CPXM2: variants seen among roughly 807,000 people sequenced by gnomAD.
The protein encoded by CPXM2 is inactive carboxypeptidase-like protein X2.
A neutral mutation model predicts 86.1 loss-of-function variants in CPXM2; 66 were observed. The observed-to-expected ratio is 0.77, with a 90% CI of 0.63 to 0.94. CPXM2 has a LOEUF of 0.94. Among genes scored for constraint, CPXM2 ranks in the 40% least tolerant of loss-of-function variants. CPXM2 has a pLI of 0.00. For synonymous variants in CPXM2, 388 were observed against 400.2 expected, an observed-to-expected ratio of 0.97 and a Z score of 0.36; for missense variants, 948 against 1,026.3, an observed-to-expected ratio of 0.92 and a Z score of 1.04.
intron 4 of CPXM2, among the ~76,000 whole-genome samples, 185 bp downstream of exon 4, chr10:123,842,164 C>T (rs1042393646): frequency 2.6e-5 from 4 of 152,232 alleles, no homozygotes; most frequent in Non-Finnish European, 4.4e-5. Flanking sequence ...CGTTCTGAAA[C>T]GCACCATCCC....
intron 10 of CPXM2, among the ~76,000 whole-genome samples, chr10:123,765,730 A>G (rs1460518662): frequency 1.3e-5 from 2 of 152,186 alleles, no homozygotes; most frequent in African/African-American, 4.8e-5. Context: ...GTCTGTCTTC[A>G]TCACCCTACT....
chr10:123,936,927 C>T (rs775698742), intron 2 of CPXM2, among the ~76,000 whole-genome samples: 2 of 152,116 alleles, frequency 1.3e-5, no homozygotes, highest in Non-Finnish European at 2.9e-5. Context: ...AGGGGGAACC[C>T]AGCATTCAAG....
At chr10:123,926,778 A>C (rs1226370231) in intron 2 of CPXM2, among the ~76,000 whole-genome samples, 1 of 152,248 alleles carries the variant, frequency 6.6e-6, no homozygotes, top group African/African-American at 2.4e-5. Context: ...ACACAGCAGA[A>C]AGACAGGAAG....
intron 9 of CPXM2, among the ~76,000 whole-genome samples, chr10:123,767,387 C>T (rs1257398361): frequency 6.6e-6 from 1 of 152,208 alleles, no homozygotes; most frequent in African/African-American, 2.4e-5. Flanking sequence ...AGAACCACCC[C>T]TGCCACATGG....
intron 2 of CPXM2, among the ~76,000 whole-genome samples, chr10:123,872,100 T>C (rs1944904226): frequency 6.6e-6 from 1 of 152,178 alleles, no homozygotes; most frequent in Non-Finnish European, 1.5e-5. Flanking sequence ...TCACTGCTGG[T>C]AGAAGTGTTA....
chr10:123,790,683 C>T (rs915688098), intron 6 of CPXM2, among the ~76,000 whole-genome samples: 11 of 152,102 alleles, frequency 7.2e-5, no homozygotes, highest in East Asian at 3.9e-4. Context: ...GGAATAAAGG[C>T]GTCTCACAGG....
chr10:123,768,723 CT>C lies in CPXM2; in HGVS notation c.1103-2del. On this transcript the variant is annotated splice_acceptor_variant, in intron 8 of 13. Coordinates refer to ENST00000241305, the MANE Select transcript of CPXM2 (RefSeq NM_198148.3). LOFTEE classifies it high-confidence loss of function. ...GCGATGTAGTGGAACTCGGGCTCAC[CT>C]TTACTCAAAGACAGAGAGAAGCACA... The C allele has an allele frequency of 6.2e-7, 1 of 1,607,048 alleles. No homozygotes were observed.
At chr10:123,904,037 C>G (rs1196184808) in intron 2 of CPXM2, among the ~76,000 whole-genome samples, 1 of 152,124 alleles carries the variant, frequency 6.6e-6, no homozygotes, top group Non-Finnish European at 1.5e-5. Flanking sequence ...CATAGATGAG[C>G]CTTAGAAAGT....
intron 4 of CPXM2, among the ~76,000 whole-genome samples, chr10:123,800,227 T>C (rs1355825438): frequency 6.6e-6 from 1 of 151,616 alleles, no homozygotes; most frequent in East Asian, 1.9e-4. Context: ...GACTGACTTG[T>C]CATGAAAATG....
chr10:123,835,198 C>G (rs78912370), intron 4 of CPXM2, among the ~76,000 whole-genome samples: 3,966 of 152,204 alleles, frequency 0.026, 169 homozygotes, highest in African/African-American at 0.09. Context: ...AAAAAACAGG[C>G]GGGAAGCAAA....
At chr10:123,781,765 C>T (rs988624092) in intron 6 of CPXM2, among the ~76,000 whole-genome samples, 1 of 152,200 alleles carries the variant, frequency 6.6e-6, no homozygotes, top group Non-Finnish European at 1.5e-5. Context: ...CACATTGCAA[C>T]AGGATCCCAG....
At chr10:123,802,462 C>T (rs527316605) in intron 4 of CPXM2, among the ~76,000 whole-genome samples, 32 of 152,284 alleles carry the variant, frequency 2.1e-4, no homozygotes, top group African/African-American at 4.6e-4. Context: ...TAATTCTTAT[C>T]GTTGCTTATA....
intron 1 of CPXM2, among the ~76,000 whole-genome samples, chr10:123,884,994 G>T (rs1294697361): frequency 1.3e-5 from 2 of 152,240 alleles, no homozygotes; most frequent in South Asian, 2.1e-4. Context: ...AGCAGCAGGT[G>T]GGTGTGTGCA....
At chr10:123,793,512 G>GAGC (rs1293117538) in intron 6 of CPXM2, among the ~76,000 whole-genome samples, 1 of 147,598 alleles carries the variant, frequency 6.8e-6, no homozygotes, top group Non-Finnish European at 1.5e-5. Context: ...ACCCAGGTCT[G>GAGC]AGCTGAGCCA....
chr10:123,807,214 A>G (rs796915642), intron 4 of CPXM2, among the ~76,000 whole-genome samples: 83 of 152,320 alleles, frequency 5.4e-4, no homozygotes, highest in African/African-American at 1.9e-3. Flanking sequence ...GACATAATTC[A>G]GATGCTCCCT....
intron 6 of CPXM2, among the ~76,000 whole-genome samples, chr10:123,788,755 G>T (rs534550896): frequency 6.6e-6 from 1 of 152,088 alleles, no homozygotes; most frequent in African/African-American, 2.4e-5. Context: ...GGTTTTAGGG[G>T]TGATGACAAA....
intron 4 of CPXM2, among the ~76,000 whole-genome samples, chr10:123,840,551 A>G (rs1848365687): frequency 6.6e-6 from 1 of 152,242 alleles, no homozygotes; most frequent in African/African-American, 2.4e-5. Flanking sequence ...CAGGCCATTA[A>G]AAATAATCAT....
upstream of CPXM2, among the ~76,000 whole-genome samples, chr10:123,894,385 G>A (rs1417101259): frequency 6.6e-6 from 1 of 152,184 alleles, no homozygotes; most frequent in East Asian, 1.9e-4. Context: ...ATGCTTGCTT[G>A]TTTGTTTTCC....
intron 11 of CPXM2, among the ~76,000 whole-genome samples, chr10:123,759,985 G>A (rs918312094): frequency 6.6e-6 from 1 of 152,146 alleles, no homozygotes; most frequent in Non-Finnish European, 1.5e-5. Context: ...GGGAGGGGGA[G>A]GAAAGGAAAT....
Sources: allele counts gnomAD v4.1 joint callset (sites outside exome capture counted in the v4.1 genomes callset), GRCh38; gene constraint gnomAD v4.1.1; transcripts MANE v1.5; gene names NCBI Gene and HGNC (gene_info 2026-07-23, HGNC 2026-07-21).